Variants in WDR19 observed in about 807,000 individuals in gnomAD.
The protein encoded by WDR19 is WD repeat-containing protein 19.
A neutral mutation model predicts 180.0 loss-of-function variants in WDR19; 121 were observed. The ratio of observed to expected loss-of-function variants is 0.67; its 90% CI spans 0.58 to 0.78. The LOEUF (loss-of-function observed/expected upper bound fraction) is 0.78, where lower values mean the gene tolerates loss of function less well. WDR19 is among the 30% of genes least tolerant of loss of function. WDR19 has a pLI of 0.00. For missense variants in WDR19, 1,450 were observed against 1,640.7 expected (o/e 0.88, Z 2.01); for synonymous variants, 497 against 540.7 (o/e 0.92, Z 1.12).
At chr4:39,218,166 C>T (rs1398477056) in intron 14 of WDR19, 61 bp downstream of exon 14, 11 of 1,542,872 alleles carry the variant, frequency 7.1e-6, no homozygotes, top group Non-Finnish European at 9.7e-6. Context: ...TTTGTGATCT[C>T]AGTCATTCTC....
At chr4:39,222,701 T>A (rs187021040) in intron 14 of WDR19, among the ~76,000 whole-genome samples, 19 of 152,334 alleles carry the variant, frequency 1.2e-4, no homozygotes, top group African/African-American at 3.6e-4. Flanking sequence ...TACCTTTTTT[T>A]AAATTTTAAT....
chr4:39,248,765 A>G (rs1227711218), intron 24 of WDR19, among the ~76,000 whole-genome samples: 1 of 150,722 alleles, frequency 6.6e-6, no homozygotes, highest in East Asian at 1.9e-4. Flanking sequence ...GAAGGCCATT[A>G]CATAATGGTA....
At chr4:39,182,674 A>AT (rs1448659719) in intron 1 of WDR19, 111 bp downstream of exon 1, 1 of 1,492,762 alleles carries the variant, frequency 6.7e-7, no homozygotes, top group African/African-American at 1.4e-5. Flanking sequence ...GTTGGAAATG[A>AT]GGAAGAGAGA....
chr4:39,211,737 TATAAAATGCTGATGAAAGAGATC>T (rs1159379175), intron 9 of WDR19, among the ~76,000 whole-genome samples: 1 of 152,160 alleles, frequency 6.6e-6, no homozygotes, highest in Non-Finnish European at 1.5e-5. Context: ...TGCTGAAAAT[TATAAAATGCTGATGAAAGAGATC>T]AAATTAGACC....
intron 6 of WDR19, among the ~76,000 whole-genome samples, 188 bp downstream of exon 6, chr4:39,199,781 A>G (rs1039042826): frequency 2.0e-5 from 3 of 152,224 alleles, no homozygotes; most frequent in Admixed American, 2.0e-4. Context: ...TGATATGAAT[A>G]TGTTATCCAA....
At chr4:39,199,388 T>G (rs1727135699) in intron 5 of WDR19, 90 bp from the exon 6 acceptor site, 1 of 913,178 alleles carries the variant, frequency 1.1e-6, no homozygotes, top group South Asian at 1.6e-5. Context: ...AATTCTTGTC[T>G]GTTTAATTTC....
At chr4:39,220,295 C>T (rs968746879) in intron 14 of WDR19, among the ~76,000 whole-genome samples, 1 of 151,896 alleles carries the variant, frequency 6.6e-6, no homozygotes, top group Non-Finnish European at 1.5e-5. Flanking sequence ...TAAAAGTTTC[C>T]ACTTTCTCAC....
chr4:39,252,414 C>T (rs571928492), intron 24 of WDR19, among the ~76,000 whole-genome samples: 5 of 149,876 alleles, frequency 3.3e-5, no homozygotes, highest in East Asian at 2.0e-4. Flanking sequence ...TGCTAAATGA[C>T]GAGTTAATGG....
chr4:39,247,136 G>A (rs1488648804), intron 24 of WDR19, among the ~76,000 whole-genome samples: 3 of 152,158 alleles, frequency 2.0e-5, no homozygotes, highest in Non-Finnish European at 2.9e-5. Flanking sequence ...ACACGGGGCT[G>A]GGTACTCCTC....
At chr4:39,185,915 A>G in intron 2 of WDR19, 98 bp downstream of exon 2, 2 of 870,532 alleles carry the variant, frequency 2.3e-6, no homozygotes, top group Non-Finnish European at 3.3e-6. Context: ...TTTTTTTTTT[A>G]AATGGAGTCT....
chr4:39,257,603 A>C, intron 28 of WDR19, 49 bp downstream of exon 28: 1 of 1,523,554 alleles, frequency 6.6e-7, no homozygotes, highest in Middle Eastern at 1.9e-4. Flanking sequence ...TTTTTAAAAA[A>C]CTTCTTGAAA....
intron 28 of WDR19, among the ~76,000 whole-genome samples, chr4:39,264,599 G>A (rs909793184): frequency 6.6e-6 from 1 of 152,142 alleles, no homozygotes; most frequent in African/African-American, 2.4e-5. Context: ...GGCCATGTGT[G>A]GCTGAGTCCC....
At chr4:39,219,651 C>A (rs1040926435) in intron 14 of WDR19, among the ~76,000 whole-genome samples, 4 of 152,144 alleles carry the variant, frequency 2.6e-5, no homozygotes, top group Non-Finnish European at 5.9e-5. Context: ...TGAACATAGA[C>A]AATTCAACTT....
At position 39,274,788 on chromosome 4, in the gene WDR19, T is replaced by C; in HGVS notation, c.3566-20T>C. On this transcript the variant is annotated intron_variant, in intron 32 of 36. Transcript: ENST00000399820. The stretch of plus-strand genomic sequence containing the variant: ...ACAGCAGACACTGTGCTGTTGCTGC[T>C]CTCCCCTTTTCTCTTGCAGACATTG... 1 of 1,606,806 alleles carries C rather than the reference T, an allele frequency of 6.2e-7. No homozygotes were observed. The highest frequency in any genetic ancestry group is 8.5e-7 in the Non-Finnish European group (1 of 1,174,278).
chr4:39,231,315 CAAAAAA>C (rs56002679), intron 17 of WDR19, among the ~76,000 whole-genome samples: 4 of 87,282 alleles, frequency 4.6e-5, no homozygotes, highest in Admixed American at 1.3e-4. Context: ...ACTCCGTCTT[CAAAAAA>C]AAAAAAAAAA....
chr4:39,189,343 G>A (rs765715054), intron 3 of WDR19, among the ~76,000 whole-genome samples: 3 of 152,162 alleles, frequency 2.0e-5, no homozygotes, highest in African/African-American at 7.2e-5. Context: ...GGTGCGTGGC[G>A]AGTTTGTTTT....
chr4:39,241,933 A>AT (rs11456597), intron 21 of WDR19, among the ~76,000 whole-genome samples: 77,119 of 145,412 alleles, frequency 0.53, 23,830 homozygotes, highest in East Asian at 0.81. Flanking sequence ...TGTAATATGG[A>AT]TTTTTTTTTT....
At chr4:39,213,753 T>G (rs1163804495) in intron 9 of WDR19, among the ~76,000 whole-genome samples, 1 of 152,104 alleles carries the variant, frequency 6.6e-6, no homozygotes, top group Non-Finnish European at 1.5e-5. Context: ...CAAGTAAAAC[T>G]AGGGACGTCG....
intron 36 of WDR19, among the ~76,000 whole-genome samples, chr4:39,283,853 C>T (rs944504100): frequency 2.0e-5 from 3 of 152,018 alleles, no homozygotes; most frequent in Non-Finnish European, 2.9e-5. Context: ...GTGACTTCTT[C>T]TCTGTCTTTA....
Sources: gnomAD v4.1 joint callset for allele counts (sites outside exome capture counted in the v4.1 genomes callset) on GRCh38, gnomAD v4.1.1 for gene constraint, MANE v1.5 for transcripts, NCBI Gene and HGNC (gene_info 2026-07-23, HGNC 2026-07-21) for gene names.